The following SAP30BP variants were observed in gnomAD, a reference collection of about 807,000 sequenced individuals.
The protein encoded by SAP30BP is SAP30 binding protein, also known as SAP30-binding protein.
A neutral mutation model predicts 46.3 loss-of-function variants in SAP30BP; 31 were observed. The observed-to-expected ratio is 0.67, with a 90% CI of 0.50 to 0.90. The LOEUF (loss-of-function observed/expected upper bound fraction) is 0.90, where lower values mean the gene tolerates loss of function less well. Among genes scored for constraint, SAP30BP ranks in the 40% least tolerant of loss-of-function variants. The probability of loss-of-function intolerance (pLI) is 0.00; values close to 1 mark genes in which losing one functional copy is unlikely to be tolerated. For missense variants in SAP30BP, 312 were observed against 391.0 expected (o/e 0.80, Z 1.70); for synonymous variants, 169 against 144.2 (o/e 1.17, Z -1.23).
In SAP30BP at chr17:75,667,390, T is replaced by C. The variant is rs1257077368; in HGVS notation, c.18T>C (p.Asn6=). 4 of 1,613,946 alleles carry C rather than the reference T, an allele frequency of 2.5e-6. No individual in the cohort carries two copies. Among genetic ancestry groups the C allele is most frequent in the Non-Finnish European group, 3.4e-6 (4 of 1,180,016 alleles). The part of the protein sequence containing the change: MAGKK[N]VLSSLAVYAE... ...GGAATAAGATGGCGGGGAAGAAGAA[T>C]GTTCTGTCGTCTCTCGCAGTTTACG... Residue 6 remains asparagine (N), a synonymous_variant, in exon 1 of 11, where the codon AAT becomes AAC. Transcript: ENST00000584667.
chr17:75,673,889 C>T (rs2059943602), intron 3 of SAP30BP, among the ~76,000 whole-genome samples: 3 of 152,170 alleles, frequency 2.0e-5, no homozygotes, highest in South Asian at 2.1e-4. Context: ...TGATGTGCTT[C>T]GCTGTTCCTC....
In SAP30BP at chr17:75,677,706, A is replaced by G. The variant is rs1599108110; in HGVS notation, c.264+5843A>G. On this transcript the variant is annotated intron_variant, in intron 3 of 10. Transcript: ENST00000584667. ...AGTGATCCACCCACCTCAGCCTTCC[A>G]TAGTGCTGGGATTACAGGCATGGGA... Among the ~76,000 whole-genome samples the G allele has an allele frequency of 2.9e-5, 4 of 139,700 alleles. No homozygotes were observed. In the South Asian group the frequency reaches 8.9e-4, roughly 31 times the overall value. The allele number at this position is 139,700 out of a possible 152,430, so 91.6% of individuals were successfully genotyped here.
chr17:75,681,488 T>C (rs2060075598), intron 3 of SAP30BP, among the ~76,000 whole-genome samples: 1 of 152,202 alleles, frequency 6.6e-6, no homozygotes, highest in African/African-American at 2.4e-5. Context: ...TCACCCACTC[T>C]CCTCTCAACT....
At chr17:75,699,742 C>A in intron 4 of SAP30BP, 41 bp from the exon 5 acceptor site, 1 of 1,415,442 alleles carries the variant, frequency 7.1e-7, no homozygotes, top group Non-Finnish European at 1.0e-6. Flanking sequence ...GTCCCTTGTT[C>A]TAATCCCCAC....
chr17:75,669,210 T>G (rs2059871491), intron 2 of SAP30BP, among the ~76,000 whole-genome samples: 1 of 152,196 alleles, frequency 6.6e-6, no homozygotes, highest in South Asian at 2.1e-4. Context: ...ACCCAGTAGC[T>G]GGGACTACAG....
At chr17:75,673,277 A>G (rs1049923061) in intron 3 of SAP30BP, among the ~76,000 whole-genome samples, 3 of 152,334 alleles carry the variant, frequency 2.0e-5, no homozygotes, top group South Asian at 4.1e-4. Context: ...ATGCTGAGTG[A>G]AAAACCTGGA....
At chr17:75,673,920 A>G (rs538211047) in intron 3 of SAP30BP, among the ~76,000 whole-genome samples, 2 of 152,138 alleles carry the variant, frequency 1.3e-5, no homozygotes, top group Admixed American at 6.5e-5. Flanking sequence ...GTGCATTTCA[A>G]GTTTTACTGT....
At chr17:75,703,434 G>T in intron 7 of SAP30BP, 63 bp downstream of exon 7, 1 of 1,480,738 alleles carries the variant, frequency 6.8e-7, no homozygotes, top group South Asian at 1.1e-5. Context: ...CTTGTTCCAT[G>T]GGATTTGACC....
chr17:75,678,463 A>AACACACACAC (rs59943167), intron 3 of SAP30BP, among the ~76,000 whole-genome samples: 115 of 147,646 alleles, frequency 7.8e-4, no homozygotes, highest in African/African-American at 1.3e-3. Flanking sequence ...CACAATTTAA[A>AACACACACAC]ACACACACAC....
At chr17:75,677,598 A>G (rs1003893727) in intron 3 of SAP30BP, among the ~76,000 whole-genome samples, 6 of 139,700 alleles carry the variant, frequency 4.3e-5, no homozygotes, top group Non-Finnish European at 9.2e-5. Flanking sequence ...TGCCTGACTA[A>G]TTTTTGTATT....
chr17:75,667,398 C>G lies in SAP30BP; in HGVS notation c.26C>G (p.Ser9Trp). The change falls in exon 1 of 11, where the codon TCG becomes TGG. Residue 9 changes from serine to tryptophan, a missense_variant. Physicochemically the swap from Ser to Trp is radical, Grantham distance 177 (BLOSUM62 -3). Transcript: ENST00000584667. MAGKKNVL[S>W]SLAVYAEDSE... is the part of the protein sequence containing the mutation. ...ATGGCGGGGAAGAAGAATGTTCTGT[C>G]GTCTCTCGCAGTTTACGCGGAAGAT... 7.4e-6 allele frequency: 12 copies of G among 1,614,176 alleles called. No homozygotes were observed. The highest frequency in any genetic ancestry group is 1.0e-5 in the Non-Finnish European group (12 of 1,180,042).
intron 3 of SAP30BP, among the ~76,000 whole-genome samples, chr17:75,688,573 A>G (rs1272281011): frequency 6.6e-6 from 1 of 151,410 alleles, no homozygotes; most frequent in Non-Finnish European, 1.5e-5. Flanking sequence ...CCTTTGTGGA[A>G]CTCAAGTTTG....
chr17:75,669,833 A>G (rs1006632496), intron 2 of SAP30BP, among the ~76,000 whole-genome samples: 2 of 152,252 alleles, frequency 1.3e-5, no homozygotes, highest in African/African-American at 2.4e-5. Flanking sequence ...CTTTAGACAC[A>G]TAATCACCTG....
Position 75,687,202 on chromosome 17 carries a change from G to A in SAP30BP, c.265-6238G>A, listed in dbSNP as rs551460707. On this transcript the variant is annotated intron_variant, in intron 3 of 10. Transcript: ENST00000584667. ...TTTTCATATTTTATCCTCAATGCTT[G>A]GCCCATTGCTTGGTGTATAAATCAT... Among the ~76,000 whole-genome samples, 7 of 152,256 alleles carry A rather than the reference G, an allele frequency of 4.6e-5. No homozygotes were observed. The East Asian group carries it at 1.3e-3, about 29-fold the overall frequency.
At chr17:75,688,075 A>G (rs1394106984) in intron 3 of SAP30BP, among the ~76,000 whole-genome samples, 2 of 152,158 alleles carry the variant, frequency 1.3e-5, no homozygotes, top group Admixed American at 6.5e-5. Context: ...CCAGGTGAGC[A>G]TGAGGGTAGA....
chr17:75,703,792 G>A lies in SAP30BP; in HGVS notation c.550-16G>A, dbSNP rs760312691. 6 of 1,610,982 alleles carry A rather than the reference G, an allele frequency of 3.7e-6. No homozygotes were observed. Among genetic ancestry groups the A allele is most frequent in the South Asian group, 2.2e-5 (2 of 91,008 alleles). On this transcript the variant is annotated splice_polypyrimidine_tract_variant and intron_variant, in intron 7 of 10. Transcript: ENST00000584667. ...GAGTCATTTGTCATCTGAGTCATTCGCCTTTTCCTTTGCAGGATATGTTTG... is the reference window on the plus strand; with the variant it reads ...GAGTCATTTGTCATCTGAGTCATTCACCTTTTCCTTTGCAGGATATGTTTG...
intron 3 of SAP30BP, among the ~76,000 whole-genome samples, chr17:75,681,888 T>C (rs568944844): frequency 3.4e-4 from 52 of 152,262 alleles, no homozygotes; most frequent in African/African-American, 1.1e-3. Context: ...TGATGTGGTA[T>C]GAGATAGGAG....
intron 6 of SAP30BP, 158 bp downstream of exon 6, chr17:75,702,729 A>G: frequency 2.1e-6 from 1 of 472,942 alleles, no homozygotes; most frequent in East Asian, 3.3e-5. Flanking sequence ...GGACTGTGCT[A>G]ACCCAGCCAG....
chr17:75,704,646 G>C, intron 8 of SAP30BP, 110 bp from the exon 9 acceptor site: 1 of 819,082 alleles, frequency 1.2e-6, no homozygotes, highest in East Asian at 2.5e-5. Flanking sequence ...AGAACACTGA[G>C]CCCATGAAGG....
Sources: gnomAD v4.1 joint callset for allele counts (sites outside exome capture counted in the v4.1 genomes callset) on GRCh38, gnomAD v4.1.1 for gene constraint, MANE v1.5 for transcripts, NCBI Gene and HGNC (gene_info 2026-07-23, HGNC 2026-07-21) for gene names.